Variants in CACNA2D3 observed in about 807,000 individuals in gnomAD.
CACNA2D3 encodes voltage-dependent calcium channel subunit alpha-2/delta-3.
In CACNA2D3, 60 loss-of-function variants were observed where a neutral mutation model predicts 160.6. The observed-to-expected ratio is 0.37, with a 90% CI of 0.30 to 0.46. CACNA2D3 has a LOEUF of 0.46. Among genes scored for constraint, CACNA2D3 ranks in the 20% least tolerant of loss-of-function variants. The pLI is 1.00. For missense variants in CACNA2D3, 1,205 were observed against 1,365.0 expected (o/e 0.88, Z 1.85); for synonymous variants, 558 against 492.9 (o/e 1.13, Z -1.75).
intron 5 of CACNA2D3, among the ~76,000 whole-genome samples, chr3:54,514,684 C>G (rs980448362): frequency 6.6e-6 from 1 of 151,694 alleles, no homozygotes; most frequent in Non-Finnish European, 1.5e-5. Flanking sequence ...CCTGGGTGAA[C>G]TGGGAAGGTG....
At chr3:54,905,003 A>T (rs1038710678) in intron 27 of CACNA2D3, among the ~76,000 whole-genome samples, 2 of 152,230 alleles carry the variant, frequency 1.3e-5, no homozygotes, top group Non-Finnish European at 1.5e-5. Context: ...ATCTAAGGTG[A>T]TGCTTAGAAT....
At chr3:54,599,876 C>A (rs1022280275) in intron 9 of CACNA2D3, among the ~76,000 whole-genome samples, 17 of 152,208 alleles carry the variant, frequency 1.1e-4, no homozygotes, top group Non-Finnish European at 5.9e-5. Context: ...GGCACACGGG[C>A]AGACCCTTGG....
At chr3:54,418,563 C>T (rs1309759120) in intron 4 of CACNA2D3, among the ~76,000 whole-genome samples, 1 of 152,228 alleles carries the variant, frequency 6.6e-6, no homozygotes, top group East Asian at 1.9e-4. Context: ...ATGTCTGCCT[C>T]TGCTGTTTGC....
intron 34 of CACNA2D3, among the ~76,000 whole-genome samples, chr3:55,010,909 G>A (rs80307413): frequency 0.017 from 2,574 of 152,304 alleles, 62 homozygotes; most frequent in African/African-American, 0.058. Context: ...GGTAGGAGCT[G>A]TGTCTTAAAC....
At chr3:54,484,107 A>G (rs1453854007) in intron 4 of CACNA2D3, among the ~76,000 whole-genome samples, 1 of 152,226 alleles carries the variant, frequency 6.6e-6, no homozygotes, top group African/African-American at 2.4e-5. Flanking sequence ...TAAGACCTCA[A>G]GAAACCCTAA....
intron 2 of CACNA2D3, among the ~76,000 whole-genome samples, chr3:54,315,646 T>A (rs573119535): frequency 1.3e-5 from 2 of 152,314 alleles, no homozygotes; most frequent in South Asian, 4.1e-4. Flanking sequence ...CTGGTTGACC[T>A]TCTGTGTGCC....
intron 4 of CACNA2D3, among the ~76,000 whole-genome samples, chr3:54,464,757 C>G (rs35570287): frequency 0.087 from 13,176 of 152,310 alleles, 762 homozygotes; most frequent in Admixed American, 0.14. Flanking sequence ...CGTGCTTCGG[C>G]TAGCGCACGG....
intron 6 of CACNA2D3, 122 bp from the exon 7 acceptor site, chr3:54,569,673 G>A: frequency 9.2e-6 from 7 of 761,984 alleles, no homozygotes; most frequent in Non-Finnish European, 1.6e-5. Flanking sequence ...TGAGCTCTGG[G>A]GTTGGTCTTT....
intron 5 of CACNA2D3, among the ~76,000 whole-genome samples, chr3:54,552,767 A>G (rs1016638214): frequency 2.0e-5 from 3 of 152,226 alleles, no homozygotes; most frequent in Admixed American, 1.3e-4. Flanking sequence ...AGACTTGTGA[A>G]TGGTTTATTC....
At chr3:55,069,681 T>C (rs972581461) in intron 35 of CACNA2D3, among the ~76,000 whole-genome samples, 2 of 152,212 alleles carry the variant, frequency 1.3e-5, no homozygotes, top group African/African-American at 2.4e-5. Context: ...CTCTGGGTGA[T>C]TGATTGGGTA....
chr3:54,855,741 C>T (rs1191869348), intron 17 of CACNA2D3, among the ~76,000 whole-genome samples: 1 of 152,118 alleles, frequency 6.6e-6, no homozygotes, highest in Non-Finnish European at 1.5e-5. Flanking sequence ...TCCATATTCC[C>T]TTCCAATAAG....
Position 54,171,158 on chromosome 3 carries a change from T to TTTTTTA in CACNA2D3, c.204+47564_204+47565insTTTTTA, listed in dbSNP as rs1553743546. Among the ~76,000 whole-genome samples, 1,231 of 140,572 alleles carry TTTTTTA rather than the reference T, an allele frequency of 8.8e-3. 44 individuals carry two copies. Among genetic ancestry groups the TTTTTTA allele is most frequent in the African/African-American group, 0.036 (1,200 of 33,476 alleles). The allele number at this position is 140,572 out of a possible 152,430, so 92.2% of individuals were successfully genotyped here. ...TGACTTTTTTTTTTTTTTTTTTTTTTAGGAATAGCTAGATGATCCGGGAAG... is the reference window on the plus strand; with the variant it reads ...TGACTTTTTTTTTTTTTTTTTTTTTTTTTTTAAGGAATAGCTAGATGATCCGGGAAG... On this transcript the variant is annotated intron_variant, in intron 2 of 37. Transcript: ENST00000474759.
intron 11 of CACNA2D3, among the ~76,000 whole-genome samples, chr3:54,736,213 C>A (rs1247662925): frequency 6.7e-6 from 1 of 149,326 alleles, no homozygotes; most frequent in Admixed American, 6.7e-5. Flanking sequence ...TTTGTAACCT[C>A]TTTTGTTCAT....
At chr3:54,533,794 AGTGTGTGTGT>A (rs61234075) in intron 5 of CACNA2D3, among the ~76,000 whole-genome samples, 6,774 of 149,648 alleles carry the variant, frequency 0.045, 198 homozygotes, top group South Asian at 0.11. Flanking sequence ...AATGGAAAAT[AGTGTGTGTGT>A]GTGTGTGTGT....
At chr3:54,131,892 T>C (rs1275489167) in intron 2 of CACNA2D3, among the ~76,000 whole-genome samples, 1 of 152,196 alleles carries the variant, frequency 6.6e-6, no homozygotes, top group African/African-American at 2.4e-5. Flanking sequence ...AAGTTGGAAA[T>C]ATAGGGCAGG....
intron 2 of CACNA2D3, among the ~76,000 whole-genome samples, chr3:54,283,842 C>G (rs925745511): frequency 6.6e-6 from 1 of 152,104 alleles, no homozygotes; most frequent in Non-Finnish European, 1.5e-5. Flanking sequence ...GCAGGTGAAT[C>G]ACTTGAGGTC....
At chr3:54,253,508 C>T (rs1458032820) in intron 2 of CACNA2D3, among the ~76,000 whole-genome samples, 1 of 152,136 alleles carries the variant, frequency 6.6e-6, no homozygotes, top group African/African-American at 2.4e-5. Context: ...ATTGCGAGAA[C>T]ACCACCAAAG....
At position 54,588,141 on chromosome 3, in the gene CACNA2D3, A is replaced by AAG. The variant is rs1326345313; in HGVS notation, c.963+6265_963+6266insGA. On this transcript the variant is annotated intron_variant, in intron 9 of 37. Coordinates refer to ENST00000474759, the MANE Select transcript of CACNA2D3 (RefSeq NM_018398.3). ...TGCAAGCAGGATTATTGAGATATGC[A>AAG]AAGCCAATGTAACATCCATGTCAAA... 1.1e-4 allele frequency among the ~76,000 whole-genome samples: 17 copies of AAG among 152,352 alleles called. 1 individual carries two copies. In the South Asian group the frequency reaches 2.7e-3, roughly 24 times the overall value.
At chr3:54,792,188 A>G (rs1376788818) in intron 13 of CACNA2D3, among the ~76,000 whole-genome samples, 1 of 152,178 alleles carries the variant, frequency 6.6e-6, no homozygotes, top group African/African-American at 2.4e-5. Context: ...AAGGGTGAGC[A>G]GGCAACTGAT....
Sources: gnomAD v4.1 joint callset for allele counts (sites outside exome capture counted in the v4.1 genomes callset) on GRCh38, gnomAD v4.1.1 for gene constraint, MANE v1.5 for transcripts, NCBI Gene and HGNC (gene_info 2026-07-23, HGNC 2026-07-21) for gene names.